PTPRN2: variants seen among roughly 807,000 people sequenced by gnomAD.
PTPRN2 encodes the protein protein tyrosine phosphatase receptor type N2, also known as receptor-type tyrosine-protein phosphatase N2.
PTPRN2 carries 74 observed loss-of-function variants against 118.8 expected under a neutral mutation model. That is an observed-to-expected ratio of 0.62 (90% confidence interval 0.52 to 0.76). PTPRN2 has a LOEUF of 0.76. PTPRN2 is among the 30% of genes least tolerant of loss of function. The pLI, the probability that PTPRN2 is intolerant of heterozygous loss-of-function variation, is 0.00. For missense variants in PTPRN2, 1,481 were observed against 1,394.4 expected (o/e 1.06, Z -0.99); for synonymous variants, 641 against 608.0 (o/e 1.05, Z -0.80).
intron 6 of PTPRN2, among the ~76,000 whole-genome samples, chr7:158,138,989 C>T (rs1819113347): frequency 6.6e-6 from 1 of 152,000 alleles, no homozygotes; most frequent in Non-Finnish European, 1.5e-5. Flanking sequence ...CCCTGCCCAG[C>T]ACACCCTGCC....
chr7:157,858,068 G>T (rs1414119101), intron 12 of PTPRN2, among the ~76,000 whole-genome samples: 4 of 140,852 alleles, frequency 2.8e-5, no homozygotes, highest in African/African-American at 1.0e-4. Context: ...CCACACTCCT[G>T]CAGGGAGAAC....
chr7:158,092,406 G>A (rs1428690760), intron 10 of PTPRN2, among the ~76,000 whole-genome samples: 1 of 151,646 alleles, frequency 6.6e-6, no homozygotes, highest in South Asian at 2.1e-4. Flanking sequence ...AGATATATGG[G>A]TGGATGGCTG....
intron 1 of PTPRN2, among the ~76,000 whole-genome samples, chr7:158,584,605 C>G (rs916581134): frequency 5.3e-5 from 8 of 152,088 alleles, no homozygotes; most frequent in Non-Finnish European, 1.2e-4. Context: ...GGAGCCCTTC[C>G]GACCAGAAAG....
intron 2 of PTPRN2, among the ~76,000 whole-genome samples, chr7:158,327,160 TTC>T (rs1803666132): frequency 7.2e-6 from 1 of 139,130 alleles, no homozygotes; most frequent in African/African-American, 2.8e-5. Flanking sequence ...CGTGCACACA[TTC>T]TCACATGCAC....
rs976382032 is a variant in PTPRN2, at chr7:158,509,161, ACAGCCTCCACG to A, written c.113-19387_113-19377del. On this transcript the variant is annotated intron_variant, in intron 1 of 22. Coordinates refer to ENST00000389418, the MANE Select transcript of PTPRN2 (RefSeq NM_002847.5). This position sits in a 1 kb window ranked among gnomAD's most constrained non-coding sequence, Gnocchi z 4.4. ...TCTGTTGAAGAGAGAGGCGCCACAC[ACAGCCTCCACG>A]CAGCCTCCACCCAGCAGGCGGGACC... Among the ~76,000 whole-genome samples, 1 of 152,146 alleles carries A rather than the reference ACAGCCTCCACG, an allele frequency of 6.6e-6. No homozygotes were observed. The highest frequency in any genetic ancestry group is 1.5e-5 in the Non-Finnish European group (1 of 68,024).
intron 3 of PTPRN2, among the ~76,000 whole-genome samples, chr7:158,281,994 G>T (rs140552617): frequency 6.6e-6 from 1 of 152,136 alleles, no homozygotes; most frequent in Non-Finnish European, 1.5e-5. Flanking sequence ...ATTTTGGGTC[G>T]CATGGAAATC....
chr7:158,243,190 C>T (rs984909214), intron 3 of PTPRN2, among the ~76,000 whole-genome samples: 1 of 152,198 alleles, frequency 6.6e-6, no homozygotes, highest in Non-Finnish European at 1.5e-5. Context: ...TTCACTTCAG[C>T]CTCAACCTGT....
chr7:158,340,538 T>A (rs879147228), intron 2 of PTPRN2, among the ~76,000 whole-genome samples: 24 of 84,416 alleles, frequency 2.8e-4, no homozygotes, highest in Admixed American at 8.9e-4. Flanking sequence ...ATAAGAGCTG[T>A]CGCCCGCAGA....
At chr7:157,706,194 T>A (rs1798321697) in intron 12 of PTPRN2, among the ~76,000 whole-genome samples, 1 of 151,816 alleles carries the variant, frequency 6.6e-6, no homozygotes, top group African/African-American at 2.4e-5. Flanking sequence ...CCCCTCCCAA[T>A]GCCAGGAACT....
At chr7:157,773,463 T>C (rs1330833063) in intron 12 of PTPRN2, among the ~76,000 whole-genome samples, 2 of 152,220 alleles carry the variant, frequency 1.3e-5, no homozygotes, top group African/African-American at 4.8e-5. Context: ...CACCTGCCTC[T>C]TCCCAGCACC....
At chr7:158,132,217 C>T (rs1563481950) in intron 9 of PTPRN2, among the ~76,000 whole-genome samples, 2 of 151,066 alleles carry the variant, frequency 1.3e-5, no homozygotes, top group South Asian at 2.1e-4. Context: ...ACGAAATACC[C>T]GAACAGATGC....
intron 12 of PTPRN2, among the ~76,000 whole-genome samples, chr7:157,760,450 G>A (rs998037661): frequency 1.3e-5 from 2 of 152,002 alleles, no homozygotes; most frequent in Non-Finnish European, 2.9e-5. Flanking sequence ...TCCTGCCCTC[G>A]AGAGATCATT....
intron 12 of PTPRN2, among the ~76,000 whole-genome samples, chr7:157,719,044 G>A (rs1257717075): frequency 6.6e-6 from 1 of 152,088 alleles, no homozygotes; most frequent in East Asian, 1.9e-4. Context: ...TCCAGGAGGG[G>A]GTCTCCCCAG....
chr7:157,800,833 T>A (rs1174055592), intron 12 of PTPRN2, among the ~76,000 whole-genome samples: 2 of 151,626 alleles, frequency 1.3e-5, no homozygotes, highest in African/African-American at 2.4e-5. Flanking sequence ...GCACCTGTAG[T>A]CCCAGCTACT....
chr7:158,135,039 CCTGCCA>C (rs1460058575), intron 8 of PTPRN2, among the ~76,000 whole-genome samples: 1 of 152,188 alleles, frequency 6.6e-6, no homozygotes, highest in Admixed American at 6.5e-5. Context: ...CGGGTCTGCT[CCTGCCA>C]CTGGCACATA....
At chr7:157,922,403 A>C (rs761142963) in intron 11 of PTPRN2, among the ~76,000 whole-genome samples, 5 of 152,230 alleles carry the variant, frequency 3.3e-5, no homozygotes, top group Non-Finnish European at 7.3e-5. Context: ...TCAGTCCTGC[A>C]GTCCTGCAGT....
intron 12 of PTPRN2, among the ~76,000 whole-genome samples, chr7:157,696,799 G>T (rs1417302775): frequency 7.1e-6 from 1 of 141,198 alleles, no homozygotes; most frequent in African/African-American, 2.7e-5. Flanking sequence ...CTGGATCTTG[G>T]CAGAGCCCTC....
chr7:158,180,615 T>C (rs1824621486), intron 5 of PTPRN2, among the ~76,000 whole-genome samples: 1 of 152,260 alleles, frequency 6.6e-6, no homozygotes. Context: ...TACAGTGTAT[T>C]TCAGCAGTGT....
At chr7:158,314,973 C>T (rs1802184418) in intron 3 of PTPRN2, among the ~76,000 whole-genome samples, 1 of 142,868 alleles carries the variant, frequency 7.0e-6, no homozygotes, top group Non-Finnish European at 1.5e-5. Flanking sequence ...GAACCCGGGA[C>T]CCCCTGAAGG....
Sources: gnomAD v4.1 joint callset for allele counts (sites outside exome capture counted in the v4.1 genomes callset) on GRCh38, gnomAD v4.1.1 for gene constraint, Gnocchi (gnomAD v3.1) non-coding constraint, MANE v1.5 for transcripts, NCBI Gene and HGNC (gene_info 2026-07-23, HGNC 2026-07-21) for gene names.